DGKH: variants seen among roughly 807,000 people sequenced by gnomAD.
The protein encoded by DGKH is DAG kinase eta.
DGKH carries 90 observed loss-of-function variants against 159.3 expected under a neutral mutation model. That is an observed-to-expected ratio of 0.57 (90% CI 0.48 to 0.67). The LOEUF is 0.67. Among genes scored for constraint, DGKH ranks in the 30% least tolerant of loss-of-function variants. The pLI is 0.00. For synonymous variants in DGKH, 536 were observed against 553.8 expected (o/e 0.97, Z 0.45); for missense variants, 1,181 against 1,506.1 (o/e 0.78, Z 3.57).
At chr13:42,207,027 T>TTTCTTTCTTTCTTTC (rs1566191787) in intron 21 of DGKH, among the ~76,000 whole-genome samples, 1 of 92,302 alleles carries the variant, frequency 1.1e-5, no homozygotes, top group Non-Finnish European at 2.1e-5. Context: ...TTCTTTCTTT[T>TTTCTTTCTTTCTTTC]TCTTTCTTTC....
At chr13:42,146,933 C>G (rs1167424529) in intron 3 of DGKH, among the ~76,000 whole-genome samples, 1 of 152,152 alleles carries the variant, frequency 6.6e-6, no homozygotes, top group Non-Finnish European at 1.5e-5. Context: ...ACATGGGACC[C>G]ACCTTCTGGA....
intron 1 of DGKH, among the ~76,000 whole-genome samples, chr13:42,059,130 A>G (rs1012781868): frequency 6.6e-6 from 1 of 152,190 alleles, no homozygotes; most frequent in African/African-American, 2.4e-5. Flanking sequence ...TGTAATTATT[A>G]TAATTATTTT....
intron 1 of DGKH, among the ~76,000 whole-genome samples, chr13:42,115,413 C>G (rs986709504): frequency 1.9e-4 from 29 of 151,712 alleles, no homozygotes; most frequent in Admixed American, 1.9e-3. Context: ...ATAGGAGAGA[C>G]CCAGGCATTA....
intron 1 of DGKH, chr13:42,070,510 T>C (rs1851418865): frequency 6.1e-6 from 8 of 1,320,542 alleles, no homozygotes; most frequent in Non-Finnish European, 8.8e-6. Flanking sequence ...ATCTGTACCA[T>C]TTAGTAACCA....
At chr13:42,109,655 TGC>T (rs377027052) in intron 1 of DGKH, among the ~76,000 whole-genome samples, 1,657 of 90,150 alleles carry the variant, frequency 0.018, 15 homozygotes, top group African/African-American at 0.056. Flanking sequence ...TGCGTGCCTG[TGC>T]GTGCGTGTGT....
intron 1 of DGKH, among the ~76,000 whole-genome samples, chr13:42,120,693 A>G (rs1411293291): frequency 6.6e-6 from 1 of 152,236 alleles, no homozygotes; most frequent in Non-Finnish European, 1.5e-5. Flanking sequence ...CCAATTATTT[A>G]AAAAACAACC....
At chr13:42,254,795 AATTCTGGAT>A (rs1275238047) in intron 30 of DGKH, among the ~76,000 whole-genome samples, 1 of 152,178 alleles carries the variant, frequency 6.6e-6, no homozygotes, top group Non-Finnish European at 1.5e-5. Context: ...TACTAATATA[AATTCTGGAT>A]GAATGTTCAA....
At chr13:42,214,732 T>C in intron 25 of DGKH, 120 bp downstream of exon 25, 2 of 745,150 alleles carry the variant, frequency 2.7e-6, no homozygotes, top group Non-Finnish European at 3.9e-6. Flanking sequence ...TATGAGTCTC[T>C]ACAAACCTGC....
chr13:42,207,279 T>G (rs1334272842), intron 21 of DGKH, among the ~76,000 whole-genome samples: 2 of 150,636 alleles, frequency 1.3e-5, no homozygotes, highest in Non-Finnish European at 2.9e-5. Context: ...AACCTCTGCC[T>G]CTCAGGTTCA....
At chr13:42,081,575 C>T (rs1268079263) in intron 1 of DGKH, among the ~76,000 whole-genome samples, 1 of 152,140 alleles carries the variant, frequency 6.6e-6, no homozygotes, top group Admixed American at 6.5e-5. Flanking sequence ...TCAGTTTGGA[C>T]TTAAACAGCT....
In DGKH at chr13:42,219,286, G is replaced by A. The variant is rs1186360191; in HGVS notation, c.3270G>A (p.Val1090=). ...CCAATGCCTTACACTCTGTGGAGGT[G>A]GAATTACAGAAACTGACAGAGATTC... ...RVSNALHSVE[V]ELQKLTEIPW... The change falls in exon 27 of 30, where the codon GTG becomes GTA. Residue 1090 remains valine, a synonymous_variant. Coordinates refer to ENST00000337343, the MANE Select transcript of DGKH (RefSeq NM_178009.5). 6.2e-7 allele frequency: 1 copy of A among 1,613,866 alleles called. No individual in the cohort carries two copies. Among genetic ancestry groups the A allele is most frequent in the African/African-American group, 1.3e-5 (1 of 74,994 alleles).
intron 1 of DGKH, among the ~76,000 whole-genome samples, chr13:42,043,549 CT>C (rs1880638938): frequency 6.6e-6 from 1 of 151,902 alleles, no homozygotes; most frequent in Admixed American, 6.6e-5. Context: ...CCAGGCTGGT[CT>C]CAAACTTGTG....
rs768886099 is a variant in DGKH, at chr13:42,221,471, C to T, written c.3573+77C>T. On this transcript the variant is annotated intron_variant, in intron 29 of 29. Transcript: ENST00000337343. ...CCTTTCTCCTGTGCCTCTTCTGATA[C>T]TTGCTTTTAGCTTCGCTTATGTCAT... 2.6e-6 allele frequency: 4 copies of T among 1,567,806 alleles called. No individual in the cohort carries two copies. In the East Asian group the frequency reaches 9.0e-5, roughly 35 times the overall value.
chr13:42,089,996 T>C (rs1954386292), intron 1 of DGKH, among the ~76,000 whole-genome samples: 1 of 152,110 alleles, frequency 6.6e-6, no homozygotes, highest in East Asian at 1.9e-4. Flanking sequence ...AGCCAAATAA[T>C]GCACTTCCAA....
intron 8 of DGKH, 36 bp from the exon 9 acceptor site, chr13:42,166,479 T>A: frequency 7.0e-7 from 1 of 1,429,332 alleles, no homozygotes; most frequent in East Asian, 2.6e-5. Flanking sequence ...AAGAGAAAGC[T>A]GTATGTATTG....
chr13:42,247,614 C>G (rs1958591882), downstream of DGKH, among the ~76,000 whole-genome samples: 1 of 152,174 alleles, frequency 6.6e-6, no homozygotes, highest in Admixed American at 6.5e-5. Context: ...TCAGGCAGTT[C>G]CTTCAGGAGG....
At position 42,240,204 on chromosome 13, in the gene DGKH, CACAA is replaced by C. The variant is rs1273472347; in HGVS notation, c.*11022_*11025del. The C allele has an allele frequency of 1.3e-5, 2 of 152,188 alleles. No individual in the cohort carries two copies. Among genetic ancestry groups the C allele is most frequent in the African/African-American group, 4.8e-5 (2 of 41,450 alleles). 9.4% of individuals were successfully genotyped at this position (152,188 alleles called of 1,614,324 possible). A position where few individuals can be genotyped will look rare whatever the true frequency, so the allele number is the denominator to read the frequency against. ...GAACTTCTCTATATTTGTGTACTTT[CACAA>C]ACAAAGGCTTAGAATTCCACATGAA... On this transcript the variant is annotated 3_prime_UTR_variant, in exon 30 of 30. Transcript: ENST00000337343.
At position 42,207,605 on chromosome 13, in the gene DGKH, C is replaced by T. The variant is rs1247074736; in HGVS notation, c.2602-1354C>T. On this transcript the variant is annotated intron_variant, in intron 21 of 29. Coordinates refer to ENST00000337343, the MANE Select transcript of DGKH (RefSeq NM_178009.5). ...GGCTATTTTTGTTTTTCTTTTCATA[C>T]TTTTCTATATTAGAAAAAGAAGAAA... Among the ~76,000 whole-genome samples the T allele has an allele frequency of 2.0e-5, 3 of 150,222 alleles. No individual in the cohort carries two copies. The South Asian group carries it at 6.3e-4, about 32-fold the overall frequency.
intron 11 of DGKH, among the ~76,000 whole-genome samples, chr13:42,171,828 CTTTTTTTT>C (rs541194131): frequency 3.9e-5 from 4 of 102,456 alleles, no homozygotes; most frequent in Non-Finnish European, 5.9e-5. Flanking sequence ...ATATAAATTT[CTTTTTTTT>C]TTTTTTTTTT....
Sources: gnomAD v4.1 joint callset for allele counts (sites outside exome capture counted in the v4.1 genomes callset) on GRCh38, gnomAD v4.1.1 for gene constraint, MANE v1.5 for transcripts, NCBI Gene and HGNC (gene_info 2026-07-23, HGNC 2026-07-21) for gene names.